EYS: variants seen among roughly 807,000 people sequenced by gnomAD.
EYS encodes protein eyes shut homolog.
A neutral mutation model predicts 282.1 loss-of-function variants in EYS; 250 were observed. The ratio of observed to expected loss-of-function variants is 0.89; its 90% confidence interval spans 0.80 to 0.98. The LOEUF (loss-of-function observed/expected upper bound fraction) is 0.98. EYS is among the 50% of genes least tolerant of loss of function. EYS has a pLI of 0.00. For synonymous variants in EYS, 1,355 were observed against 1,282.9 expected, an observed-to-expected ratio of 1.06 and a Z score of -1.20; for missense variants, 4,016 against 3,709.0, an observed-to-expected ratio of 1.08 and a Z score of -2.15.
chr6:65,025,355 G>A (rs1772376112), intron 13 of EYS, among the ~76,000 whole-genome samples: 1 of 152,088 alleles, frequency 6.6e-6, no homozygotes. Flanking sequence ...TAAAATCTCT[G>A]CAATAATGAA....
At chr6:64,570,668 G>A (rs1483022583) in intron 26 of EYS, among the ~76,000 whole-genome samples, 1 of 151,934 alleles carries the variant, frequency 6.6e-6, no homozygotes, top group Non-Finnish European at 1.5e-5. Flanking sequence ...AACCAACAAA[G>A]ATCAAAAAAG....
intron 12 of EYS, among the ~76,000 whole-genome samples, chr6:65,145,846 T>G (rs1300243889): frequency 6.6e-6 from 1 of 151,972 alleles, no homozygotes; most frequent in Non-Finnish European, 1.5e-5. Context: ...TGATTTATAA[T>G]CAACAGAATT....
At chr6:64,502,539 T>A (rs1345813541) in intron 26 of EYS, among the ~76,000 whole-genome samples, 1 of 152,198 alleles carries the variant, frequency 6.6e-6, no homozygotes, top group East Asian at 1.9e-4. Flanking sequence ...GGTGTTTTTT[T>A]AAGGTTAATC....
chr6:65,574,182 G>A (rs1764577659), intron 2 of EYS, among the ~76,000 whole-genome samples: 1 of 152,138 alleles, frequency 6.6e-6, no homozygotes, highest in African/African-American at 2.4e-5. Context: ...CCAGACATCG[G>A]TGCCACTGGC....
chr6:65,577,452 G>A (rs560779606), intron 2 of EYS, among the ~76,000 whole-genome samples: 1 of 151,838 alleles, frequency 6.6e-6, no homozygotes, highest in African/African-American at 2.4e-5. Flanking sequence ...TTTAACATAA[G>A]ACATGAAACT....
chr6:65,399,489 C>A (rs1766412759), intron 7 of EYS, among the ~76,000 whole-genome samples: 1 of 151,894 alleles, frequency 6.6e-6, no homozygotes, highest in Admixed American at 6.6e-5. Flanking sequence ...GAATAAAACA[C>A]ATTCTTCTTG....
At chr6:64,789,884 G>GAT (rs56097288) in intron 22 of EYS, among the ~76,000 whole-genome samples, 11,137 of 148,644 alleles carry the variant, frequency 0.075, 482 homozygotes, top group East Asian at 0.22. Context: ...AAAGTTGTAT[G>GAT]ATATATATAT....
Position 63,834,183 on chromosome 6 carries a change from T to C in EYS, c.7229-27811A>G, listed in dbSNP as rs1190537959. 3.9e-5 allele frequency among the ~76,000 whole-genome samples: 6 copies of C among 152,008 alleles called. 1 individual carries two copies. The highest frequency in any genetic ancestry group is 4.1e-4 in the South Asian group (2 of 4,820). On this transcript the variant is annotated intron_variant, in intron 36 of 42. Transcript: ENST00000503581. ...TTCATGACTAAAACACCAAAAGCAA[T>C]GGCAACAGAAGCAAAAATAGACAAA... is the stretch of plus-strand genomic sequence containing the variant.
intron 31 of EYS, among the ~76,000 whole-genome samples, chr6:64,090,551 G>A (rs764741730): frequency 6.6e-6 from 1 of 151,882 alleles, no homozygotes; most frequent in Non-Finnish European, 1.5e-5. Flanking sequence ...CTCACCATGT[G>A]ACAGCTGTGA....
intron 22 of EYS, among the ~76,000 whole-genome samples, chr6:64,753,669 T>C (rs978886654): frequency 6.6e-6 from 1 of 150,828 alleles, no homozygotes; most frequent in Non-Finnish European, 1.5e-5. Context: ...ACTACTGAAG[T>C]ACTTCAGCAC....
intron 12 of EYS, among the ~76,000 whole-genome samples, chr6:65,174,148 G>T (rs1387254148): frequency 6.6e-6 from 1 of 151,170 alleles, no homozygotes; most frequent in Admixed American, 6.6e-5. Context: ...CCAACAGATG[G>T]TAAATCTACA....
chr6:65,269,305 T>G (rs1188511313), intron 12 of EYS, among the ~76,000 whole-genome samples: 2 of 152,272 alleles, frequency 1.3e-5, no homozygotes, highest in African/African-American at 4.8e-5. Context: ...AGTTTAGGTA[T>G]ATGTGTGTGA....
intron 1 of EYS, among the ~76,000 whole-genome samples, chr6:65,674,482 C>T (rs1358395568): frequency 1.8e-5 from 2 of 110,356 alleles, no homozygotes; most frequent in Admixed American, 1.9e-4. Context: ...AAAAAAGCAG[C>T]ACAATAAAAG....
In EYS at chr6:64,782,779, C is replaced by T. The variant is rs747993188; in HGVS notation, c.3443+30599G>A. Among the ~76,000 whole-genome samples, 18 of 152,100 alleles carry T rather than the reference C, an allele frequency of 1.2e-4. 1 individual carries two copies. Among genetic ancestry groups the T allele is most frequent in the Non-Finnish European group, 2.5e-4 (17 of 67,994 alleles). On this transcript the variant is annotated intron_variant, in intron 22 of 42. Coordinates refer to ENST00000503581, the MANE Select transcript of EYS (RefSeq NM_001142800.2). The stretch of plus-strand genomic sequence containing the variant: ...AATAGTTTAAAGTTATGAAAATAGG[C>T]CAGTTCTCAATTACATATATTTTTT...
rs1212326035 is a variant in EYS at position 64,590,655 on chromosome 6, G to C, written c.5212C>G (p.His1738Asp). The C allele has an allele frequency of 6.4e-7, 1 of 1,551,300 alleles. No individual in the cohort carries two copies. The highest frequency in any genetic ancestry group is 2.4e-5 in the East Asian group (1 of 40,890). Residue 1738 changes from histidine (H) to aspartate (D), a missense_variant, in exon 26 of 43, where the codon CAC becomes GAC. Physicochemically the swap from His to Asp is moderately conservative, Grantham distance 81. Coordinates refer to ENST00000503581, the MANE Select transcript of EYS (RefSeq NM_001142800.2). Reference protein sequence around the residue: ...SKGSHTLFKLHPSDSSLDFEL... With the variant: ...SKGSHTLFKLDPSDSSLDFEL... The stretch of plus-strand genomic sequence containing the variant: ...AAATCCAGAGAACTATCACTTGGGT[G>C]AAGTTTGAACAGTGTATGAGATCCT...
intron 26 of EYS, among the ~76,000 whole-genome samples, chr6:64,517,693 A>G (rs1038156928): frequency 6.6e-6 from 1 of 151,780 alleles, no homozygotes; most frequent in African/African-American, 2.4e-5. Flanking sequence ...CTGATTAATT[A>G]CTTCTCATAT....
Position 65,614,894 on chromosome 6 carries a change from A to G in EYS, c.-333+24884T>C, listed in dbSNP as rs9363406. On this transcript the variant is annotated intron_variant, in intron 2 of 42. Coordinates refer to ENST00000503581, the MANE Select transcript of EYS (RefSeq NM_001142800.2). ...AGATTATCAATAAAGTTATAGACATAAACACATACATGCATGTTTGTGTGT... is the reference window on the plus strand; with the variant it reads ...AGATTATCAATAAAGTTATAGACATGAACACATACATGCATGTTTGTGTGT... Among the ~76,000 whole-genome samples the G allele has an allele frequency of 3.3e-5, 5 of 152,160 alleles. No homozygotes were observed. In the East Asian group the frequency reaches 9.7e-4, roughly 29 times the overall value.
chr6:64,606,126 T>TA (rs576988772), intron 24 of EYS, among the ~76,000 whole-genome samples: 109 of 151,944 alleles, frequency 7.2e-4, no homozygotes, highest in African/African-American at 2.4e-3. Context: ...TTTCTTAGGA[T>TA]AAAAAAAATC....
intron 12 of EYS, among the ~76,000 whole-genome samples, chr6:65,263,356 A>C (rs886997196): frequency 6.6e-6 from 1 of 152,030 alleles, no homozygotes; most frequent in Non-Finnish European, 1.5e-5. Context: ...TAAACAGACA[A>C]TGTAAGAAAT....
Sources: gnomAD v4.1 joint callset for allele counts (sites outside exome capture counted in the v4.1 genomes callset) on GRCh38, gnomAD v4.1.1 for gene constraint, MANE v1.5 for transcripts, NCBI Gene and HGNC (gene_info 2026-07-23, HGNC 2026-07-21) for gene names.